Variants in AFF2 observed in about 807,000 individuals in gnomAD.
AFF2 encodes the protein AF4/FMR2 family member 2.
A neutral mutation model predicts 76.9 loss-of-function variants in AFF2; 14 were observed. The ratio of observed to expected loss-of-function variants is 0.18; its 90% CI spans 0.12 to 0.28. The LOEUF is 0.28. Ranked by LOEUF, AFF2 falls within the 10% of genes least tolerant of loss-of-function variation. The pLI, the probability that AFF2 is intolerant of heterozygous loss-of-function variation, is 1.00. For synonymous variants in AFF2, 398 were observed against 366.7 expected (o/e 1.09, Z -0.98); for missense variants, 868 against 1,001.1 (o/e 0.87, Z 1.79).
At chrX:148,640,831 T>A (rs111846843) in intron 1 of AFF2, among the ~76,000 whole-genome samples, 1,452 of 112,108 alleles carry the variant, frequency 0.013, 28 homozygotes, top group African/African-American at 0.045. Context: ...TAGAAATTCT[T>A]ATTGTTTTCC....
chrX:148,559,826 G>C (rs1419887943), intron 1 of AFF2, among the ~76,000 whole-genome samples: 2 of 111,239 alleles, frequency 1.8e-5, no homozygotes, highest in Admixed American at 1.9e-4. Flanking sequence ...GGTATTTCTA[G>C]TTCTAGATCC....
At chrX:148,730,825 A>G (rs1300959395) in intron 3 of AFF2, among the ~76,000 whole-genome samples, 22 of 112,356 alleles carry the variant, frequency 2.0e-4, no homozygotes, top group Admixed American at 1.1e-3. Flanking sequence ...TTGCCAGTGC[A>G]GCTTTCTGAT....
chrX:148,568,084 T>C (rs1557241952), intron 1 of AFF2, among the ~76,000 whole-genome samples: 1 of 111,075 alleles, frequency 9.0e-6, no homozygotes, highest in Non-Finnish European at 1.9e-5. Context: ...TGAGTAGGGT[T>C]GCAGTCCACA....
rs148820708 is a variant in AFF2, at chrX:148,810,886, C to T, written c.1086+966C>T. Reference sequence around the variant, plus strand: ...GTTACCAAAGTCACTCCAACTCCCTCCTGATCCCCCTCTCCCAGTAAGTGC... The same window carrying T: ...GTTACCAAAGTCACTCCAACTCCCTTCTGATCCCCCTCTCCCAGTAAGTGC... On this transcript the variant is annotated intron_variant, in intron 4 of 20. Transcript: ENST00000370460. Among the ~76,000 whole-genome samples the T allele has an allele frequency of 5.9e-3, 652 of 111,367 alleles. 6 individuals carry two copies. The highest frequency in any genetic ancestry group is 0.021 in the African/African-American group (637 of 30,601).
intron 3 of AFF2, among the ~76,000 whole-genome samples, chrX:148,713,659 C>G (rs1339575404): frequency 8.9e-6 from 1 of 111,904 alleles, no homozygotes; most frequent in Non-Finnish European, 1.9e-5. Context: ...TCTCTTCTAT[C>G]CATTGGCAGG....
intron 1 of AFF2, among the ~76,000 whole-genome samples, chrX:148,641,075 G>A (rs1428710090): frequency 9.0e-6 from 1 of 111,085 alleles, no homozygotes; most frequent in Non-Finnish European, 1.9e-5. Context: ...GAATGGATTT[G>A]CCTCTCCTGG....
intron 8 of AFF2, among the ~76,000 whole-genome samples, chrX:148,891,330 A>G (rs902927511): frequency 2.7e-5 from 3 of 111,588 alleles, no homozygotes. Context: ...GAAAATCAGG[A>G]GTTAAACCTG....
At chrX:148,789,389 A>G (rs998537445) in intron 3 of AFF2, among the ~76,000 whole-genome samples, 3 of 111,926 alleles carry the variant, frequency 2.7e-5, no homozygotes, top group African/African-American at 9.7e-5. Flanking sequence ...ATTACCAAAG[A>G]TAATGATTTC....
chrX:148,505,642 A>G (rs1238528301), intron 1 of AFF2, among the ~76,000 whole-genome samples: 1 of 111,736 alleles, frequency 8.9e-6, no homozygotes, highest in African/African-American at 3.3e-5. Context: ...CTTATTTAAC[A>G]TAATTTCAAA....
intron 1 of AFF2, among the ~76,000 whole-genome samples, chrX:148,535,867 T>C (rs2052778916): frequency 8.9e-6 from 1 of 111,901 alleles, no homozygotes; most frequent in African/African-American, 3.3e-5. Flanking sequence ...GCAATGCCGA[T>C]GTGCAGCCAG....
intron 1 of AFF2, among the ~76,000 whole-genome samples, chrX:148,570,441 G>A (rs1377533490): frequency 2.7e-5 from 3 of 111,821 alleles, no homozygotes; most frequent in African/African-American, 9.8e-5. Context: ...ACGCATCTTC[G>A]TAGAAGAAAT....
intron 1 of AFF2, among the ~76,000 whole-genome samples, chrX:148,617,091 T>C (rs1220707538): frequency 4.5e-5 from 5 of 111,831 alleles, no homozygotes; most frequent in African/African-American, 1.6e-4. Flanking sequence ...ATATACCCAG[T>C]AATGGGATGG....
intron 3 of AFF2, among the ~76,000 whole-genome samples, chrX:148,680,502 T>C (rs782784796): frequency 9.1e-6 from 1 of 110,484 alleles, no homozygotes; most frequent in African/African-American, 3.3e-5. Context: ...AGAGTAGGAG[T>C]AAGCGTGGTT....
rs1167760253 is a variant in AFF2 at position 149,000,511 on chromosome X, T to A, written c.*9179T>A. On this transcript the variant is annotated 3_prime_UTR_variant, in exon 21 of 21. Coordinates refer to ENST00000370460, the MANE Select transcript of AFF2 (RefSeq NM_002025.4). Reference sequence around the variant, plus strand: ...GTACAGTAACTCTGTGTACAAACATTTTAATGTGGTTTTGTTGTTTTCCAA... The same window carrying A: ...GTACAGTAACTCTGTGTACAAACATATTAATGTGGTTTTGTTGTTTTCCAA... The A allele has an allele frequency of 2.6e-5, 3 of 113,252 alleles. No individual in the cohort carries two copies. The highest frequency in any genetic ancestry group is 9.4e-5 in the Admixed American group (1 of 10,689). 9.3% of individuals were successfully genotyped at this position (113,252 alleles called of 1,213,427 possible).
At chrX:148,666,012 C>T (rs2054355327) in intron 3 of AFF2, among the ~76,000 whole-genome samples, 1 of 111,818 alleles carries the variant, frequency 8.9e-6, no homozygotes, top group Admixed American at 9.5e-5. Flanking sequence ...AAACAGACAA[C>T]ATTCTAAGCT....
intron 1 of AFF2, among the ~76,000 whole-genome samples, chrX:148,633,490 C>T (rs782664631): frequency 8.9e-6 from 1 of 112,381 alleles, no homozygotes; most frequent in African/African-American, 3.2e-5. Context: ...CAGCATTCAC[C>T]GTACCCTTAT....
intron 7 of AFF2, among the ~76,000 whole-genome samples, chrX:148,885,126 C>T (rs1197018479): frequency 8.9e-6 from 1 of 111,892 alleles, no homozygotes; most frequent in Non-Finnish European, 1.9e-5. Context: ...GTAGCTCACA[C>T]TTGGAGAGGA....
chrX:148,599,554 A>G (rs2053606966), intron 1 of AFF2, among the ~76,000 whole-genome samples: 1 of 111,077 alleles, frequency 9.0e-6, no homozygotes, highest in Non-Finnish European at 1.9e-5. Context: ...CAGGCAGAAG[A>G]TATAGGCAAT....
chrX:148,989,138 A>C (rs2072506928), intron 20 of AFF2, among the ~76,000 whole-genome samples: 1 of 112,201 alleles, frequency 8.9e-6, no homozygotes, highest in Non-Finnish European at 1.9e-5. Flanking sequence ...TGGCCTATAC[A>C]ACCAGACTCA....
Sources: allele counts gnomAD v4.1 joint callset (sites outside exome capture counted in the v4.1 genomes callset), GRCh38; gene constraint gnomAD v4.1.1; transcripts MANE v1.5; gene names NCBI Gene and HGNC (gene_info 2026-07-23, HGNC 2026-07-21).